Variants in SOX5 observed in about 807,000 individuals in gnomAD.
The protein encoded by SOX5 is transcription factor SOX-5.
A neutral mutation model predicts 92.0 loss-of-function variants in SOX5; 9 were observed. The ratio of observed to expected loss-of-function variants is 0.10; its 90% CI spans 0.06 to 0.17. The LOEUF (loss-of-function observed/expected upper bound fraction) is 0.17, where lower values mean the gene tolerates loss of function less well. Among genes scored for constraint, SOX5 ranks in the 10% least tolerant of loss-of-function variants. The pLI, the probability that SOX5 is intolerant of heterozygous loss-of-function variation, is 1.00. For missense variants in SOX5, 642 were observed against 944.5 expected (o/e 0.68, Z 4.20); for synonymous variants, 344 against 336.3 (o/e 1.02, Z -0.25).
At chr12:23,890,930 C>T (rs553308963) in intron 2 of SOX5, among the ~76,000 whole-genome samples, 10 of 152,236 alleles carry the variant, frequency 6.6e-5, no homozygotes, top group African/African-American at 1.9e-4. Flanking sequence ...TTTCACATTG[C>T]TTTCAACTGT....
chr12:23,748,621 T>C (rs2094079185), intron 4 of SOX5, among the ~76,000 whole-genome samples: 1 of 152,158 alleles, frequency 6.6e-6, no homozygotes. Context: ...AATAAACTAA[T>C]TACGTTTCTT....
intron 2 of SOX5, among the ~76,000 whole-genome samples, chr12:24,284,519 A>G (rs75248446): frequency 0.16 from 24,190 of 152,074 alleles, 2,064 homozygotes; most frequent in Middle Eastern, 0.26. Context: ...TAAAAAATAG[A>G]GATACTAGTA....
At chr12:23,836,953 G>C (rs774916430) in intron 3 of SOX5, among the ~76,000 whole-genome samples, 1 of 151,396 alleles carries the variant, frequency 6.6e-6, no homozygotes, top group Non-Finnish European at 1.5e-5. Context: ...TAGAGTATAA[G>C]TTTTTTAGTT....
chr12:24,318,107 G>A (rs1010319302), intron 2 of SOX5, among the ~76,000 whole-genome samples: 2 of 152,080 alleles, frequency 1.3e-5, no homozygotes, highest in Admixed American at 1.3e-4. Context: ...TACTCAGGAG[G>A]CTGAGGCATG....
chr12:23,920,468 C>T (rs540670904), intron 1 of SOX5: 1 of 152,274 alleles, frequency 6.6e-6, no homozygotes, highest in East Asian at 1.9e-4. Flanking sequence ...CCAGCATGGA[C>T]TACTGGCACT....
chr12:23,784,099 A>T (rs905039043), intron 3 of SOX5, among the ~76,000 whole-genome samples: 4 of 152,160 alleles, frequency 2.6e-5, no homozygotes, highest in African/African-American at 4.8e-5. Flanking sequence ...ATTTAATGCA[A>T]TATTATGATG....
intron 4 of SOX5, among the ~76,000 whole-genome samples, chr12:23,742,889 T>C (rs1230213827): frequency 2.0e-5 from 3 of 151,680 alleles, no homozygotes; most frequent in Non-Finnish European, 4.4e-5. Context: ...AGCTACTTGG[T>C]AGGCTGAGGT....
At chr12:24,264,459 TA>T in intron 3 of SOX5, among the ~76,000 whole-genome samples, 1 of 152,358 alleles carries the variant, frequency 6.6e-6, no homozygotes, top group East Asian at 1.9e-4. Flanking sequence ...CTCACTTATT[TA>T]AACCTCACCG....
At chr12:23,669,120 A>G (rs752393890) in intron 6 of SOX5, among the ~76,000 whole-genome samples, 1 of 152,188 alleles carries the variant, frequency 6.6e-6, no homozygotes, top group African/African-American at 2.4e-5. Flanking sequence ...ATGAATTCAC[A>G]TACATGGATG....
At chr12:23,608,365 T>C (rs2075538950) in intron 8 of SOX5, among the ~76,000 whole-genome samples, 1 of 152,184 alleles carries the variant, frequency 6.6e-6, no homozygotes, top group Admixed American at 6.5e-5. Context: ...GTACCTCCTT[T>C]AGACAATGAG....
intron 1 of SOX5, among the ~76,000 whole-genome samples, chr12:24,547,993 C>T (rs752563639): frequency 3.9e-5 from 6 of 152,128 alleles, no homozygotes; most frequent in African/African-American, 9.7e-5. Flanking sequence ...AAGTTTATAA[C>T]CATAAACTGC....
At chr12:24,441,263 C>T (rs1335142957) in intron 1 of SOX5, among the ~76,000 whole-genome samples, 1 of 152,186 alleles carries the variant, frequency 6.6e-6, no homozygotes, top group Non-Finnish European at 1.5e-5. Context: ...TCCTACACTG[C>T]GTGTGCAATA....
In SOX5 at chr12:24,396,798, A is replaced by G. The variant is rs12314401; in HGVS notation, c.-250-28159T>C. On this transcript the variant is annotated intron_variant, in intron 1 of 4. Transcript: ENST00000446891. ...AGCTAGAAGATTGGTGAGCACCAAG[A>G]TGCTTACAACAGAGTGTTTTTGTGG... Among the ~76,000 whole-genome samples the G allele has an allele frequency of 3.6e-3, 550 of 152,358 alleles. 7 individuals carry two copies. The highest frequency in any genetic ancestry group is 0.013 in the African/African-American group (520 of 41,578).
At chr12:24,246,323 A>G (rs1478461354) in intron 3 of SOX5, among the ~76,000 whole-genome samples, 1 of 151,112 alleles carries the variant, frequency 6.6e-6, no homozygotes, top group Admixed American at 6.6e-5. Flanking sequence ...AAAAGATTTT[A>G]TGATGGTTAT....
chr12:23,745,980 A>C (rs1376790147), intron 4 of SOX5, among the ~76,000 whole-genome samples: 2 of 152,186 alleles, frequency 1.3e-5, no homozygotes, highest in African/African-American at 4.8e-5. Context: ...CATAAAGAAT[A>C]CAGCCGCTTC....
chr12:23,676,513 T>C (rs2085724311), intron 6 of SOX5, among the ~76,000 whole-genome samples: 1 of 152,144 alleles, frequency 6.6e-6, no homozygotes, highest in African/African-American at 2.4e-5. Context: ...GAGCGCTCAC[T>C]TGGTGCCAGG....
intron 11 of SOX5, among the ~76,000 whole-genome samples, chr12:23,559,079 T>C (rs1197094584): frequency 6.6e-6 from 1 of 152,198 alleles, no homozygotes; most frequent in East Asian, 1.9e-4. Flanking sequence ...ACTGGGCCTC[T>C]ATTGTATTAA....
At chr12:23,955,054 G>A (rs553330483), upstream of SOX5, among the ~76,000 whole-genome samples, 2 of 151,950 alleles carry the variant, frequency 1.3e-5, no homozygotes, top group African/African-American at 2.4e-5. Flanking sequence ...TCCCAATTAC[G>A]AATGAGGAAG....
At position 23,895,838 on chromosome 12, in the gene SOX5, T is replaced by C; in HGVS notation, c.225A>G (p.Gln75=). ...TGGGAGTCCTATGGCCACAAGTCTC[T>C]TGCGTCAGCAGAGAAACTGGCTGAA... is the stretch of plus-strand genomic sequence containing the variant. ...EEFQPVSLLT[Q]ETCGHRTPTS... The change falls in exon 2 of 15, where the codon CAA becomes CAG. Residue 75 remains glutamine, a synonymous_variant. Transcript: ENST00000451604. 1.2e-6 allele frequency: 2 copies of C among 1,614,108 alleles called. No individual in the cohort carries two copies. The highest frequency in any genetic ancestry group is 2.2e-5 in the East Asian group (1 of 44,882).
Sources: allele counts gnomAD v4.1 joint callset (sites outside exome capture counted in the v4.1 genomes callset), GRCh38; gene constraint gnomAD v4.1.1; transcripts MANE v1.5; gene names NCBI Gene and HGNC (gene_info 2026-07-23, HGNC 2026-07-21).